TRIP11: variants seen among roughly 807,000 people sequenced by gnomAD.
TRIP11 encodes thyroid receptor-interacting protein 11.
A neutral mutation model predicts 223.1 loss-of-function variants in TRIP11; 148 were observed. The ratio of observed to expected loss-of-function variants is 0.66; its 90% CI spans 0.58 to 0.76. The LOEUF (loss-of-function observed/expected upper bound fraction) is 0.76, where lower values mean the gene tolerates loss of function less well. Ranked by LOEUF, TRIP11 falls within the 30% of genes least tolerant of loss-of-function variation. The probability of loss-of-function intolerance (pLI) is 0.00; values close to 1 mark genes in which losing one functional copy is unlikely to be tolerated. For synonymous variants in TRIP11, 762 were observed against 772.6 expected, an observed-to-expected ratio of 0.99 and a Z score of 0.23; for missense variants, 2,043 against 2,222.0, an observed-to-expected ratio of 0.92 and a Z score of 1.62.
chr14:91,986,267 T>C (rs1595372893), intron 16 of TRIP11, among the ~76,000 whole-genome samples: 2 of 152,302 alleles, frequency 1.3e-5, no homozygotes, highest in African/African-American at 2.4e-5. Flanking sequence ...AATGAGTGTC[T>C]GAAAAAGTAC....
At position 92,017,786 on chromosome 14, in the gene TRIP11, C is replaced by T. The variant is rs374777713; in HGVS notation, c.589-36G>A. On this transcript the variant is annotated intron_variant, in intron 4 of 20. Coordinates refer to ENST00000267622, the MANE Select transcript of TRIP11 (RefSeq NM_004239.4). ...AAAAGAGAATTAGTAAATAATTATA[C>T]TGATTTTCTTGTCAACAGAAAGTCA... The T allele has an allele frequency of 5.7e-6, 9 of 1,567,430 alleles. 1 individual carries two copies. The highest frequency in any genetic ancestry group is 7.0e-6 in the Non-Finnish European group (8 of 1,140,998).
At chr14:92,020,771 AG>A (rs1049440375) in intron 4 of TRIP11, among the ~76,000 whole-genome samples, 7 of 152,070 alleles carry the variant, frequency 4.6e-5, no homozygotes, top group Admixed American at 3.3e-4. Context: ...AAAATCACTT[AG>A]AAAGTCATTG....
chr14:92,035,434 C>T (rs577758517), intron 1 of TRIP11, among the ~76,000 whole-genome samples: 1 of 151,660 alleles, frequency 6.6e-6, no homozygotes, highest in South Asian at 2.1e-4. Context: ...ATCTGGACTA[C>T]AGTTTATTAG....
chr14:92,011,776 C>A lies in TRIP11; in HGVS notation c.1206G>T (p.Met402Ile). 1 of 1,611,940 alleles carries A rather than the reference C, an allele frequency of 6.2e-7. No individual in the cohort carries two copies. Among genetic ancestry groups the A allele is most frequent in the South Asian group, 1.1e-5 (1 of 91,032 alleles). ...TTACCTGGTTTAAACTACTCAATCTCATTATTTCATTTTCGGCATCTGTAA... is the reference window on the plus strand; with the variant it reads ...TTACCTGGTTTAAACTACTCAATCTAATTATTTCATTTTCGGCATCTGTAA... The part of the protein sequence containing the change: ...QALSDAENEI[M>I]RLSSLNQDNS... Residue 402 changes from methionine (M) to isoleucine (I), a missense_variant, in exon 8 of 21, where the codon ATG becomes ATT. By Grantham distance (10) the Met-to-Ile change is conservative. Coordinates refer to ENST00000267622, the MANE Select transcript of TRIP11 (RefSeq NM_004239.4).
At position 91,984,029 on chromosome 14, in the gene TRIP11, A is replaced by T. The variant is rs142498540; in HGVS notation, c.5260+4255T>A. Reference sequence around the variant, plus strand: ...TATACATTCTTCTAGATTTTCTTTTAAAAAATGGTCCAAGGAAATTTTCCA... The same window carrying T: ...TATACATTCTTCTAGATTTTCTTTTTAAAAATGGTCCAAGGAAATTTTCCA... On this transcript the variant is annotated intron_variant, in intron 16 of 20. Transcript: ENST00000267622. 5.3e-4 allele frequency among the ~76,000 whole-genome samples: 80 copies of T among 152,230 alleles called. 1 individual carries two copies. The East Asian group carries it at 0.014, about 28-fold the overall frequency.
chr14:91,995,382 G>C lies in TRIP11; in HGVS notation c.5026C>G (p.Leu1676Val). ...VKQYALSLAN[L>V]QMVLEHFQQE... ...TGGAAATGCTCTAGTACCATCTGCA[G>C]GTTGGCCAGTGACAGAGCATACTGC... The change falls in exon 14 of 21, where the codon CTG (leucine) becomes GTG (valine). Residue 1676 changes from leucine (L) to valine (V), a missense_variant. Physicochemically the swap from Leu to Val is conservative, Grantham distance 32 (BLOSUM62 1). Transcript: ENST00000267622. 1 of 1,613,940 alleles carries C rather than the reference G, an allele frequency of 6.2e-7. No homozygotes were observed. Among genetic ancestry groups the C allele is most frequent in the Non-Finnish European group, 8.5e-7 (1 of 1,179,990 alleles).
Position 91,974,676 on chromosome 14 carries a change from C to T in TRIP11, c.5525G>A (p.Ser1842Asn). The T allele has an allele frequency of 1.2e-6, 2 of 1,612,788 alleles. No homozygotes were observed. The highest frequency in any genetic ancestry group is 2.2e-5 in the East Asian group (1 of 44,848). The change falls in exon 19 of 21, where the codon AGT (serine) becomes AAT (asparagine). Residue 1842 changes from serine (S) to asparagine (N), a missense_variant. By Grantham distance (46) the Ser-to-Asn change is conservative. Coordinates refer to ENST00000267622, the MANE Select transcript of TRIP11 (RefSeq NM_004239.4). The stretch of plus-strand genomic sequence containing the variant: ...TGGTCTCAAAGGTGTGTTGGGAACA[C>T]TTTTTGATCCTCCTCCAAGCCACCC... ...MTGWLGGGSK[S>N]VPNTPLRPNQ...
rs1404326676 is a variant in TRIP11 at position 91,976,175 on chromosome 14, C to T, written c.5275G>A (p.Glu1759Lys). 2 of 1,612,126 alleles carry T rather than the reference C, an allele frequency of 1.2e-6. No individual in the cohort carries two copies. Among genetic ancestry groups the T allele is most frequent in the African/African-American group, 1.3e-5 (1 of 75,000 alleles). ...TTCTTTTGTACATCATCCAGCATTT[C>T]TTGTCGGAGCTCATCTGTTGTAAAA... ...ELKRQNELRQEMLDDVQKKLM... is the reference protein window; with the variant it reads ...ELKRQNELRQKMLDDVQKKLM... The change falls in exon 17 of 21, where the codon GAA becomes AAA. Residue 1759 changes from glutamate to lysine, a missense_variant. Coordinates refer to ENST00000267622, the MANE Select transcript of TRIP11 (RefSeq NM_004239.4).
At chr14:91,999,508 T>A in intron 12 of TRIP11, 75 bp from the exon 13 acceptor site, 2 of 1,457,114 alleles carry the variant, frequency 1.4e-6, no homozygotes, top group Non-Finnish European at 1.9e-6. Context: ...TTATCAAATC[T>A]TTTTCCCATT....
At position 91,972,731 on chromosome 14, in the gene TRIP11, GGTGCATTT is replaced by G; in HGVS notation, c.5697_5704del (p.Asn1900ArgfsTer4). On this transcript the variant is annotated frameshift_variant, in exon 20 of 21. Coordinates refer to ENST00000267622, the MANE Select transcript of TRIP11 (RefSeq NM_004239.4). LOFTEE classifies it low-confidence loss of function (END_TRUNC). ...TCTAGTTTTACCTTTAAAACTTTCT[GGTGCATTT>G]GTATCTCTTTTTCTTCTTCCTGGTG... 1.2e-6 allele frequency: 2 copies of G among 1,609,552 alleles called. No individual in the cohort carries two copies. The highest frequency in any genetic ancestry group is 1.7e-6 in the Non-Finnish European group (2 of 1,178,502).
chr14:91,976,620 C>T (rs118191896), intron 16 of TRIP11, among the ~76,000 whole-genome samples: 1 of 152,150 alleles, frequency 6.6e-6, no homozygotes, highest in East Asian at 1.9e-4. Context: ...TTTTGGTGAG[C>T]TGACTAAGAA....
chr14:92,015,934 T>C, intron 5 of TRIP11, 73 bp from the exon 6 acceptor site: 1 of 1,373,708 alleles, frequency 7.3e-7, no homozygotes, highest in Non-Finnish European at 9.9e-7. Flanking sequence ...TTAACTGTTG[T>C]CCAAAAGTGT....
chr14:91,984,913 G>A (rs1220606270), intron 16 of TRIP11, among the ~76,000 whole-genome samples: 2 of 152,174 alleles, frequency 1.3e-5, no homozygotes, highest in East Asian at 3.8e-4. Flanking sequence ...GTAAAATGCT[G>A]AAAGAATAAT....
In TRIP11 at chr14:92,005,658, A is replaced by T; in HGVS notation, c.2318T>A (p.Met773Lys). 1.2e-6 allele frequency: 2 copies of T among 1,613,646 alleles called. No individual in the cohort carries two copies. Among genetic ancestry groups the T allele is most frequent in the Middle Eastern group, 1.6e-4 (1 of 6,062 alleles). ...ATTCTTTTTGAGTTCTGCTATTTCC[A>T]TGTCTTTCTTTTGATTGAGTTTAAT... Reference protein sequence around the residue: ...HLIKLNQKKDMEIAELKKNIE... With the variant: ...HLIKLNQKKDKEIAELKKNIE... Residue 773 changes from methionine (M) to lysine (K), a missense_variant, in exon 11 of 21, where the codon ATG becomes AAG. By Grantham distance (95) the Met-to-Lys change is moderately conservative. Transcript: ENST00000267622.
intron 16 of TRIP11, among the ~76,000 whole-genome samples, chr14:91,985,351 T>C (rs929396440): frequency 6.6e-6 from 1 of 152,194 alleles, no homozygotes; most frequent in Non-Finnish European, 1.5e-5. Flanking sequence ...TAAGCATCTG[T>C]CTTCATACTT....
chr14:92,020,461 A>G (rs2057097113), intron 4 of TRIP11, among the ~76,000 whole-genome samples: 1 of 152,132 alleles, frequency 6.6e-6, no homozygotes, highest in Admixed American at 6.6e-5. Flanking sequence ...ATGGTTTATC[A>G]TATTTTATAA....
intron 5 of TRIP11, 51 bp from the exon 6 acceptor site, chr14:92,015,912 T>C: frequency 6.8e-7 from 1 of 1,474,530 alleles, no homozygotes; most frequent in South Asian, 1.2e-5. Context: ...TAAATTTATG[T>C]AAGCTATATA....
chr14:92,039,123 T>C (rs2057355558), intron 1 of TRIP11, among the ~76,000 whole-genome samples: 1 of 152,154 alleles, frequency 6.6e-6, no homozygotes, highest in Admixed American at 6.5e-5. Context: ...CACCAAGTGT[T>C]TAAATTATGA....
intron 14 of TRIP11, 85 bp downstream of exon 14, chr14:91,995,267 G>C: frequency 6.6e-7 from 1 of 1,524,054 alleles, no homozygotes; most frequent in Non-Finnish European, 9.0e-7. Context: ...ATTTCCCCGT[G>C]CCTCATCTAA....
Sources: allele counts gnomAD v4.1 joint callset (sites outside exome capture counted in the v4.1 genomes callset), GRCh38; gene constraint gnomAD v4.1.1; transcripts MANE v1.5; gene names NCBI Gene and HGNC (gene_info 2026-07-23, HGNC 2026-07-21).